The following CDH13 variants were observed in gnomAD, a reference collection of about 807,000 sequenced individuals.
CDH13 encodes the protein cadherin 13.
A neutral mutation model predicts 63.8 loss-of-function variants in CDH13; 24 were observed. The ratio of observed to expected loss-of-function variants is 0.38; its 90% confidence interval spans 0.27 to 0.53. The LOEUF is 0.53. Among genes scored for constraint, CDH13 ranks in the 20% least tolerant of loss-of-function variants. The probability of loss-of-function intolerance (pLI) is 0.85; values close to 1 mark genes in which losing one functional copy is unlikely to be tolerated. For missense variants in CDH13, 1,049 were observed against 903.1 expected, an observed-to-expected ratio of 1.16 and a Z score of -2.07; for synonymous variants, 503 against 355.3, an observed-to-expected ratio of 1.42 and a Z score of -4.67.
At chr16:83,096,680 C>T (rs1236831574) in intron 3 of CDH13, among the ~76,000 whole-genome samples, 1 of 152,172 alleles carries the variant, frequency 6.6e-6, no homozygotes. Flanking sequence ...CTCCCTTGGA[C>T]TGAGTGCAAT....
chr16:83,504,667 A>G (rs991335230), intron 7 of CDH13, among the ~76,000 whole-genome samples: 2 of 152,212 alleles, frequency 1.3e-5, no homozygotes, highest in Non-Finnish European at 2.9e-5. Flanking sequence ...GCGGGAGATA[A>G]CAGCCTCATC....
intron 1 of CDH13, among the ~76,000 whole-genome samples, chr16:82,679,718 C>G (rs370224152): frequency 2.6e-5 from 4 of 152,126 alleles, no homozygotes; most frequent in Admixed American, 2.6e-4. Context: ...ATACCAACCT[C>G]ATACTGTTTA....
intron 1 of CDH13, among the ~76,000 whole-genome samples, chr16:82,725,738 C>T (rs918721781): frequency 6.6e-6 from 1 of 152,152 alleles, no homozygotes; most frequent in African/African-American, 2.4e-5. Context: ...GATTTGAACA[C>T]CATCCTCATT....
chr16:82,844,887 C>G (rs978063777), intron 1 of CDH13: 2 of 151,762 alleles, frequency 1.3e-5, no homozygotes, highest in African/African-American at 4.8e-5. Flanking sequence ...GATCTCCTGA[C>G]TTTGTGATCC....
At chr16:83,722,530 C>G (rs1344160986) in intron 10 of CDH13, among the ~76,000 whole-genome samples, 2 of 152,192 alleles carry the variant, frequency 1.3e-5, no homozygotes, top group East Asian at 3.9e-4. Context: ...TTAATTCAAG[C>G]TTTCCCCACC....
intron 1 of CDH13, among the ~76,000 whole-genome samples, chr16:82,724,084 C>G (rs530537438): frequency 6.8e-4 from 104 of 152,280 alleles, no homozygotes; most frequent in Admixed American, 2.0e-3. Context: ...GGGTCACAGC[C>G]TGATCCTTTA....
intron 2 of CDH13, among the ~76,000 whole-genome samples, chr16:83,014,826 ATTTGTATATATATTTGTATATATATATT>A (rs1914582250): frequency 2.4e-5 from 1 of 42,152 alleles, no homozygotes; most frequent in Admixed American, 3.8e-4. Flanking sequence ...GTATATATAT[ATTTGTATATATATTTGTATATATATATT>A]TGTATATATA....
chr16:82,956,718 T>G (rs1279210337), intron 2 of CDH13, among the ~76,000 whole-genome samples: 1 of 152,240 alleles, frequency 6.6e-6, no homozygotes, highest in African/African-American at 2.4e-5. Context: ...AATCTCTTAC[T>G]ATCCCTAGAA....
chr16:82,711,983 T>C (rs2031981976), intron 1 of CDH13, among the ~76,000 whole-genome samples: 2 of 152,214 alleles, frequency 1.3e-5, no homozygotes, highest in Admixed American at 1.3e-4. Context: ...GGCTAGGTGA[T>C]CTCAGTCCAG....
rs530110997 is a variant in CDH13 at position 82,943,097 on chromosome 16, T to A, written c.157+84624T>A. Among the ~76,000 whole-genome samples, 4 of 152,344 alleles carry A rather than the reference T, an allele frequency of 2.6e-5. No homozygotes were observed. The East Asian group carries it at 7.7e-4, about 29-fold the overall frequency. On this transcript the variant is annotated intron_variant, in intron 2 of 13. Coordinates refer to ENST00000567109, the MANE Select transcript of CDH13 (RefSeq NM_001257.5). Reference sequence around the variant, plus strand: ...TCTTATGGTGCATGACTAATTGCACTTTGGAATCGTATACATTTAATTATA... The same window carrying A: ...TCTTATGGTGCATGACTAATTGCACATTGGAATCGTATACATTTAATTATA...
intron 2 of CDH13, among the ~76,000 whole-genome samples, chr16:82,860,386 T>TGGG (rs1212112335): frequency 1.3e-4 from 4 of 31,264 alleles, no homozygotes; most frequent in African/African-American, 2.8e-4. Context: ...TGTGTGTGTG[T>TGGG]GTGGGGGGGG....
chr16:83,134,544 G>GGAGAGA lies in CDH13; in HGVS notation c.483+9087_483+9092dup, dbSNP rs67135267. On this transcript the variant is annotated intron_variant, in intron 4 of 13. Transcript: ENST00000567109. ...GATTTTATGTGGGGATGGGGTGGGGGGAGAGAGAGAGAGAGAGAGAGAGAG... is the reference window on the plus strand; with the variant it reads ...GATTTTATGTGGGGATGGGGTGGGGGGAGAGAGAGAGAGAGAGAGAGAGAGAGAGAG... 3.7e-3 allele frequency among the ~76,000 whole-genome samples: 313 copies of GGAGAGA among 84,246 alleles called. 10 individuals carry two copies. Among genetic ancestry groups the GGAGAGA allele is most frequent in the East Asian group, 0.013 (32 of 2,414 alleles). The allele number at this position is 84,246 out of a possible 152,430, so 55.3% of individuals were successfully genotyped here. A position where few individuals can be genotyped will look rare whatever the true frequency, so the allele number is the denominator to read the frequency against.
chr16:83,095,840 C>T (rs559210191), intron 3 of CDH13, among the ~76,000 whole-genome samples: 1 of 152,074 alleles, frequency 6.6e-6, no homozygotes, highest in Non-Finnish European at 1.5e-5. Flanking sequence ...TTCTTAAAGG[C>T]AATAGAGGCA....
At chr16:83,188,566 C>T (rs2038599510) in intron 4 of CDH13, among the ~76,000 whole-genome samples, 1 of 152,154 alleles carries the variant, frequency 6.6e-6, no homozygotes, top group Non-Finnish European at 1.5e-5. Context: ...AAGCCCCATG[C>T]CAGGCGTTGG....
At chr16:83,172,586 C>G (rs1597462011) in intron 4 of CDH13, among the ~76,000 whole-genome samples, 3 of 123,544 alleles carry the variant, frequency 2.4e-5, no homozygotes, top group Admixed American at 7.5e-5. Flanking sequence ...AACAAACAAA[C>G]AACAAGAAAA....
At chr16:83,697,672 G>C (rs1598501078) in intron 10 of CDH13, among the ~76,000 whole-genome samples, 1 of 152,198 alleles carries the variant, frequency 6.6e-6, no homozygotes, top group Non-Finnish European at 1.5e-5. Flanking sequence ...TTTTGAGACA[G>C]AGTCTCACTC....
intron 1 of CDH13, among the ~76,000 whole-genome samples, chr16:82,690,601 C>A (rs1007208491): frequency 6.6e-6 from 1 of 152,098 alleles, no homozygotes. Context: ...CAAAGAGACA[C>A]TTAAGAAAAA....
chr16:83,099,854 T>C (rs2034389692), intron 3 of CDH13, among the ~76,000 whole-genome samples: 1 of 152,144 alleles, frequency 6.6e-6, no homozygotes, highest in South Asian at 2.1e-4. Flanking sequence ...GAGCACTCAG[T>C]AAGAGTGAGG....
At chr16:82,865,539 C>T (rs939197596) in intron 2 of CDH13, among the ~76,000 whole-genome samples, 1 of 152,212 alleles carries the variant, frequency 6.6e-6, no homozygotes, top group Non-Finnish European at 1.5e-5. Flanking sequence ...TATTTTGGCC[C>T]CTTTTAGCCA....
Sources: allele counts gnomAD v4.1 joint callset (sites outside exome capture counted in the v4.1 genomes callset), GRCh38; gene constraint gnomAD v4.1.1; transcripts MANE v1.5; gene names NCBI Gene and HGNC (gene_info 2026-07-23, HGNC 2026-07-21).